BDP1: variants seen among roughly 807,000 people sequenced by gnomAD.
The protein encoded by BDP1 is BDP1 general transcription factor IIIB subunit.
In BDP1, 169 loss-of-function variants were observed where a neutral mutation model predicts 266.6. The ratio of observed to expected loss-of-function variants is 0.63; its 90% CI spans 0.56 to 0.72. The LOEUF (loss-of-function observed/expected upper bound fraction) is 0.72. Ranked by LOEUF, BDP1 falls within the 30% of genes least tolerant of loss-of-function variation. The pLI is 0.00. For missense variants in BDP1, 3,015 were observed against 3,053.8 expected (o/e 0.99, Z 0.30); for synonymous variants, 1,090 against 1,022.4 (o/e 1.07, Z -1.26).
In BDP1 at chr5:71,559,293, C is replaced by G. The variant is rs148247843; in HGVS notation, c.7241-689C>G. On this transcript the variant is annotated intron_variant, in intron 36 of 38. Coordinates refer to ENST00000358731, the MANE Select transcript of BDP1 (RefSeq NM_018429.3). ...CTAAGATTGCTCCCATCCATCTGCT[C>G]TCCAATAAAAGCATTAAGCAAACCA... Among the ~76,000 whole-genome samples, 300 of 152,340 alleles carry G rather than the reference C, an allele frequency of 2.0e-3. 2 individuals are homozygous for G. Among genetic ancestry groups the G allele is most frequent in the African/African-American group, 6.7e-3 (279 of 41,578 alleles).
intron 11 of BDP1, among the ~76,000 whole-genome samples, chr5:71,493,621 T>G (rs1763722198): frequency 6.6e-6 from 1 of 152,150 alleles, no homozygotes; most frequent in Non-Finnish European, 1.5e-5. Context: ...AAAATTGTCA[T>G]GTACACAAGA....
chr5:71,530,968 G>C (rs116614286), intron 25 of BDP1, among the ~76,000 whole-genome samples: 7,918 of 152,206 alleles, frequency 0.052, 318 homozygotes, highest in Non-Finnish European at 0.076. Flanking sequence ...CAGCTACTTG[G>C]AGGGCTGAGG....
chr5:71,522,766 A>G lies in BDP1; in HGVS notation c.5204A>G (p.Glu1735Gly). 6.3e-7 allele frequency: 1 copy of G among 1,584,978 alleles called. No individual in the cohort carries two copies. Among genetic ancestry groups the G allele is most frequent in the African/African-American group, 1.4e-5 (1 of 73,002 alleles). Residue 1735 changes from glutamate to glycine, a missense_variant, in exon 24 of 39, where the codon GAG becomes GGG. Glu to Gly is a moderately conservative substitution (Grantham distance 98, BLOSUM62 -2). Coordinates refer to ENST00000358731, the MANE Select transcript of BDP1 (RefSeq NM_018429.3). ...NTQLLLKEKA[E>G]LLTSLEVSAR... Reference sequence around the variant, plus strand: ...CTTCTTAAATTTAAGGAAAAAGCTGAGCTTCTGACATCTCTGGAGGTTTCA... The same window carrying G: ...CTTCTTAAATTTAAGGAAAAAGCTGGGCTTCTGACATCTCTGGAGGTTTCA...
intron 37 of BDP1, among the ~76,000 whole-genome samples, chr5:71,561,073 A>G (rs922129624): frequency 6.6e-6 from 1 of 152,074 alleles, no homozygotes; most frequent in Non-Finnish European, 1.5e-5. Flanking sequence ...ACTGCACTCC[A>G]GCCTGGGCAA....
Position 71,553,134 on chromosome 5 carries a change from T to G in BDP1, c.7014T>G (p.Thr2338=), listed in dbSNP as rs184748464. ...TATGCAGTATTTGTTTACCAGCAACTTCAGTTGGTCAAGATGCCATGGGTT... is the reference window on the plus strand; with the variant it reads ...TATGCAGTATTTGTTTACCAGCAACGTCAGTTGGTCAAGATGCCATGGGTT... ...RGDMSICLPA[T]SVGQDAMGLS... is the part of the protein sequence containing the mutation. The change falls in exon 35 of 39, where the codon ACT becomes ACG. Residue 2338 remains threonine (T), a synonymous_variant. Transcript: ENST00000358731. 187 of 1,612,166 alleles carry G rather than the reference T, an allele frequency of 1.2e-4. 2 individuals are homozygous for G. In the African/African-American group the frequency reaches 2.3e-3, roughly 20 times the overall value.
chr5:71,574,390 TG>T, the BDP1 span, among the ~76,000 whole-genome samples: 1 of 151,816 alleles, frequency 6.6e-6, no homozygotes. Context: ...GGCCTGGCCC[TG>T]GGCCTCTCAA....
At chr5:71,487,707 A>G (rs1293293088) in intron 9 of BDP1, among the ~76,000 whole-genome samples, 2 of 152,212 alleles carry the variant, frequency 1.3e-5, no homozygotes, top group Non-Finnish European at 2.9e-5. Context: ...ATTATCCACT[A>G]GGAAGACTAA....
downstream of BDP1, among the ~76,000 whole-genome samples, chr5:71,569,262 CAT>C (rs1744188141): frequency 6.6e-6 from 1 of 152,088 alleles, no homozygotes; most frequent in African/African-American, 2.4e-5. Flanking sequence ...TGAGGCGAGA[CAT>C]AGCGAGACCT....
chr5:71,555,650 G>A (rs964320436), intron 35 of BDP1, among the ~76,000 whole-genome samples: 3 of 151,970 alleles, frequency 2.0e-5, no homozygotes, highest in Non-Finnish European at 4.4e-5. Context: ...TGTTGGTTAG[G>A]CTGGTCTCGA....
At chr5:71,474,269 C>T (rs1762451649) in intron 7 of BDP1, among the ~76,000 whole-genome samples, 1 of 151,826 alleles carries the variant, frequency 6.6e-6, no homozygotes, top group Non-Finnish European at 1.5e-5. Context: ...CATGAGCCAC[C>T]GTGCCTGGCC....
intron 22 of BDP1, among the ~76,000 whole-genome samples, chr5:71,519,955 T>G (rs990758926): frequency 2.6e-5 from 4 of 152,212 alleles, no homozygotes; most frequent in Non-Finnish European, 5.9e-5. Context: ...TTCCCATTTC[T>G]CCACATCCTG....
rs577305482 is a variant in BDP1, at chr5:71,547,875, G to A, written c.6745-807G>A. Among the ~76,000 whole-genome samples the A allele has an allele frequency of 9.9e-5, 15 of 152,274 alleles. No homozygotes were observed. In the South Asian group the frequency reaches 3.1e-3, roughly 32 times the overall value. ...AGGCAGGAGAATTGCTCGGACCCAG[G>A]AGGCAGAGGGGCGGAGGTTGCAGTG... On this transcript the variant is annotated intron_variant, in intron 32 of 38. Transcript: ENST00000358731.
intron 3 of BDP1, among the ~76,000 whole-genome samples, chr5:71,463,831 A>T (rs1317417164): frequency 8.4e-4 from 7 of 8,328 alleles, no homozygotes; most frequent in African/African-American, 1.3e-3. Context: ...TGTTGTATTA[A>T]AAAAAAAAAA....
intron 11 of BDP1, among the ~76,000 whole-genome samples, chr5:71,492,400 C>G (rs1371252660): frequency 1.3e-5 from 2 of 152,136 alleles, no homozygotes. Context: ...TTCTTCAATA[C>G]TTGTTATCTT....
rs1580131637 is a variant in BDP1, at chr5:71,520,951, A to G, written c.4992-1338A>G. Among the ~76,000 whole-genome samples the G allele has an allele frequency of 2.0e-5, 3 of 152,132 alleles. No individual in the cohort carries two copies. In the East Asian group the frequency reaches 5.8e-4, roughly 30 times the overall value. On this transcript the variant is annotated intron_variant, in intron 22 of 38. Transcript: ENST00000358731. ...CACCTGTAATCCCAGCGCTCTGGGA[A>G]ACCAAGGCGGGCGAATCACCTGAGT...
In BDP1 at chr5:71,491,090, T is replaced by C; in HGVS notation, c.1599T>C (p.Thr533=). 12 of 1,614,100 alleles carry C rather than the reference T, an allele frequency of 7.4e-6. No individual in the cohort carries two copies. The highest frequency in any genetic ancestry group is 9.3e-6 in the Non-Finnish European group (11 of 1,179,976). ...ATGGCATTGTGGGTTTTGCCTCCAC[T>C]GAAAAAGTTGAGAAAAGAACTGACC... The part of the protein sequence containing the change: ...NIDGIVGFAS[T]EKVEKRTDPI... Residue 533 remains threonine, a synonymous_variant, in exon 11 of 39, where the codon ACT becomes ACC. Transcript: ENST00000358731.
At chr5:71,570,717 G>A (rs1174071292), downstream of BDP1, among the ~76,000 whole-genome samples, 1 of 152,246 alleles carries the variant, frequency 6.6e-6, no homozygotes, top group African/African-American at 2.4e-5. Flanking sequence ...ATGAGGTCAA[G>A]GGGCCTAATT....
intron 6 of BDP1, among the ~76,000 whole-genome samples, chr5:71,468,428 G>A (rs1203793948): frequency 2.0e-5 from 3 of 151,596 alleles, no homozygotes; most frequent in African/African-American, 4.8e-5. Context: ...GATTATAGGC[G>A]TGAGTCGTTG....
At position 71,524,434 on chromosome 5, in the gene BDP1, T is replaced by G. The variant is rs377553112; in HGVS notation, c.5772+111T>G. The G allele has an allele frequency of 1.6e-5, 19 of 1,177,640 alleles. 1 individual carries two copies. In the African/African-American group the frequency reaches 2.9e-4, roughly 18 times the overall value. The allele number at this position is 1,177,640 out of a possible 1,614,324, so 72.9% of individuals were successfully genotyped here. ...TAGTGATTATTAGGATTTGAAGAGT[T>G]CATTCTCTAAATAACCTCTACCAAA... On this transcript the variant is annotated intron_variant, in intron 25 of 38. Coordinates refer to ENST00000358731, the MANE Select transcript of BDP1 (RefSeq NM_018429.3).
Sources: gnomAD v4.1 joint callset for allele counts (sites outside exome capture counted in the v4.1 genomes callset) on GRCh38, gnomAD v4.1.1 for gene constraint, MANE v1.5 for transcripts, NCBI Gene and HGNC (gene_info 2026-07-23, HGNC 2026-07-21) for gene names.